Variants in POLN observed in about 807,000 individuals in gnomAD.
POLN encodes DNA polymerase N.
POLN carries 108 observed loss-of-function variants against 113.5 expected under a neutral mutation model. The ratio of observed to expected loss-of-function variants is 0.95; its 90% CI spans 0.81 to 1.12. The LOEUF is 1.12. Ranked by LOEUF, POLN falls within the 50% of genes most tolerant of loss-of-function variation. POLN has a pLI of 0.00. For missense variants in POLN, 1,097 were observed against 1,077.1 expected, an observed-to-expected ratio of 1.02 and a Z score of -0.26; for synonymous variants, 386 against 391.5, an observed-to-expected ratio of 0.99 and a Z score of 0.17.
In POLN at chr4:2,071,959, G is replaced by T. The variant is rs769593154; in HGVS notation, c.*155C>A. 2 of 847,062 alleles carry T rather than the reference G, an allele frequency of 2.4e-6. No individual in the cohort carries two copies. Among genetic ancestry groups the T allele is most frequent in the Non-Finnish European group, 4.0e-6 (2 of 496,822 alleles). The allele number at this position is 847,062 out of a possible 1,614,324, so 52.5% of individuals were successfully genotyped here. A position where few individuals can be genotyped will look rare whatever the true frequency, so the allele number is the denominator to read the frequency against. On this transcript the variant is annotated 3_prime_UTR_variant, in exon 26 of 26. Coordinates refer to ENST00000511885, the MANE Select transcript of POLN (RefSeq NM_181808.4). This position sits in a 1 kb window ranked among gnomAD's most constrained non-coding sequence, Gnocchi z 5.2. ...GAAGAATTCACTCAGACAAGGATGA[G>T]GAGGGCTTTGCACAGGCATTTACTC...
At chr4:2,146,177 A>C (rs189583019) in intron 16 of POLN, among the ~76,000 whole-genome samples, 27 of 152,332 alleles carry the variant, frequency 1.8e-4, no homozygotes, top group Admixed American at 3.9e-4. Flanking sequence ...AATTGGGAAG[A>C]ACACACTTGG....
At chr4:2,162,042 A>T (rs990515974) in intron 13 of POLN, among the ~76,000 whole-genome samples, 10 of 152,196 alleles carry the variant, frequency 6.6e-5, no homozygotes, top group African/African-American at 2.4e-4. Flanking sequence ...TCTACCAATC[A>T]GCAGGATGTG....
At chr4:2,234,908 C>T (rs538501521) in intron 2 of POLN, among the ~76,000 whole-genome samples, 2 of 152,098 alleles carry the variant, frequency 1.3e-5, no homozygotes, top group Admixed American at 1.3e-4. Context: ...TTTTTTGACA[C>T]CAAGTCTTGC....
chr4:2,081,746 G>T lies in POLN; in HGVS notation c.2198-3C>A. On this transcript the variant is annotated splice_region_variant and splice_polypyrimidine_tract_variant and intron_variant, in intron 21 of 25. Transcript: ENST00000511885. ...GCCCATGATGGACACCACACAGCCT[G>T]AGTCACACAGAGCAAAAGTAGATGA... The T allele has an allele frequency of 6.2e-7, 1 of 1,613,066 alleles. No individual in the cohort carries two copies. Among genetic ancestry groups the T allele is most frequent in the South Asian group, 1.1e-5 (1 of 91,046 alleles).
intron 17 of POLN, 25 bp from the exon 18 acceptor site, chr4:2,129,281 T>C: frequency 6.6e-7 from 1 of 1,512,136 alleles, no homozygotes; most frequent in Non-Finnish European, 9.2e-7. Flanking sequence ...CAAGAGCATT[T>C]AGTGAATTTG....
chr4:2,109,160 T>C (rs1462908488), intron 19 of POLN, among the ~76,000 whole-genome samples: 2 of 152,204 alleles, frequency 1.3e-5, no homozygotes, highest in African/African-American at 4.8e-5. Context: ...TTAAGCAATA[T>C]CATTTAGGAG....
chr4:2,236,318 A>G (rs1212589774), intron 2 of POLN: 1 of 1,613,630 alleles, frequency 6.2e-7, no homozygotes, highest in African/African-American at 1.3e-5. Context: ...GAAAGAAAGA[A>G]TGTTCTTGAG....
rs201637174 is a variant in POLN at position 2,220,901 on chromosome 4, T to C, written c.134-7775A>G. ...ATGAAATGACATACGTATGCATGTG[T>C]ATAACTATACAAAAAGATCTGGGGA... On this transcript the variant is annotated intron_variant, in intron 3 of 25. Transcript: ENST00000511885. Among the ~76,000 whole-genome samples the C allele has an allele frequency of 2.0e-5, 3 of 152,214 alleles. No individual in the cohort carries two copies. In the East Asian group the frequency reaches 5.8e-4, roughly 29 times the overall value.
At chr4:2,101,164 A>T (rs1468747659) in intron 19 of POLN, among the ~76,000 whole-genome samples, 1 of 152,194 alleles carries the variant, frequency 6.6e-6, no homozygotes, top group Non-Finnish European at 1.5e-5. Flanking sequence ...AAAAAATCAA[A>T]ACTGAAATAA....
intron 3 of POLN, among the ~76,000 whole-genome samples, chr4:2,225,074 G>A (rs926107096): frequency 4.6e-5 from 7 of 151,912 alleles, no homozygotes; most frequent in South Asian, 2.1e-4. Context: ...ACGGTCTGTC[G>A]TTGACCAAAA....
intron 7 of POLN, among the ~76,000 whole-genome samples, chr4:2,184,811 A>C (rs550535598): frequency 6.6e-6 from 1 of 152,246 alleles, no homozygotes. Context: ...AGGCTCACCT[A>C]ACTCATCAAA....
At chr4:2,181,545 A>T (rs1733142710) in intron 7 of POLN, among the ~76,000 whole-genome samples, 2 of 152,190 alleles carry the variant, frequency 1.3e-5, no homozygotes, top group South Asian at 4.1e-4. Context: ...AGAAATGACG[A>T]AACTGAAAAT....
chr4:2,188,491 C>G (rs1366775405), intron 7 of POLN, among the ~76,000 whole-genome samples: 1 of 151,968 alleles, frequency 6.6e-6, no homozygotes, highest in Non-Finnish European at 1.5e-5. Context: ...GTCCCAGCTA[C>G]TCGGGAGGCT....
chr4:2,238,679 A>T (rs995730198), intron 2 of POLN: 15 of 1,613,492 alleles, frequency 9.3e-6, no homozygotes, highest in Non-Finnish European at 1.3e-5. Context: ...ATCTGTTAAC[A>T]TTTCTAATTG....
intron 19 of POLN, among the ~76,000 whole-genome samples, chr4:2,121,798 T>C (rs1387939035): frequency 6.6e-5 from 10 of 152,086 alleles, no homozygotes; most frequent in Non-Finnish European, 1.5e-4. Flanking sequence ...AACTTTTTTT[T>C]TTACCAATTT....
Position 2,229,398 on chromosome 4 carries a change from TAGATAG to T in POLN, c.-12-161_-12-156del, listed in dbSNP as rs553923392. The T allele has an allele frequency of 1.5e-3, 877 of 593,326 alleles. 1 individual carries two copies. The highest frequency in any genetic ancestry group is 2.2e-3 in the Non-Finnish European group (825 of 379,858). 36.8% of individuals were successfully genotyped at this position (593,326 alleles called of 1,614,324 possible). On this transcript the variant is annotated intron_variant, in intron 2 of 25. Transcript: ENST00000511885. ...AATAGGCATCAATCATCCAATAATA[TAGATAG>T]AAAGAAAAAAGCAAAATAGCTAGAG... is the stretch of plus-strand genomic sequence containing the variant.
chr4:2,191,646 GA>G (rs910528011), intron 7 of POLN, among the ~76,000 whole-genome samples: 2 of 151,378 alleles, frequency 1.3e-5, no homozygotes, highest in African/African-American at 2.4e-5. Flanking sequence ...TTTTTAGAAG[GA>G]AAAAAAAGAA....
chr4:2,186,308 T>C (rs148855841), intron 7 of POLN, among the ~76,000 whole-genome samples: 1 of 152,004 alleles, frequency 6.6e-6, no homozygotes, highest in African/African-American at 2.4e-5. Context: ...CAGCCAGAAA[T>C]GGGCAGTGGT....
intron 2 of POLN, chr4:2,231,994 T>A (rs772835179): frequency 6.7e-7 from 1 of 1,498,328 alleles, no homozygotes; most frequent in South Asian, 1.2e-5. Context: ...ATCTTTCAGA[T>A]AATCTTCATC....
Sources: allele counts gnomAD v4.1 joint callset (sites outside exome capture counted in the v4.1 genomes callset), GRCh38; gene constraint gnomAD v4.1.1; non-coding constraint Gnocchi (gnomAD v3.1); transcripts MANE v1.5; gene names NCBI Gene and HGNC (gene_info 2026-07-23, HGNC 2026-07-21).